Variants in SBNO1 observed in about 807,000 individuals in gnomAD.
SBNO1 encodes protein strawberry notch homolog 1.
In SBNO1, 23 loss-of-function variants were observed where a neutral mutation model predicts 173.6. The observed-to-expected ratio is 0.13, with a 90% CI of 0.10 to 0.19. The LOEUF is 0.19. Ranked by LOEUF, SBNO1 falls within the 10% of genes least tolerant of loss-of-function variation. The pLI, the probability that SBNO1 is intolerant of heterozygous loss-of-function variation, is 1.00. For synonymous variants in SBNO1, 632 were observed against 571.5 expected (o/e 1.11, Z -1.51); for missense variants, 1,238 against 1,671.2 (o/e 0.74, Z 4.52).
rs763234292 is a variant in SBNO1 at position 123,326,173 on chromosome 12, T to C, written c.1854A>G (p.Arg618=). 1 of 1,608,340 alleles carries C rather than the reference T, an allele frequency of 6.2e-7. No homozygotes were observed. Among genetic ancestry groups the C allele is most frequent in the South Asian group, 1.1e-5 (1 of 90,228 alleles). ...SKVKRVVQLA[R]EEIKNGKCVV... ...TTACTTTTCCATTCTTGATTTCCTC[T>C]CGAGCTAGTTGCACAACCCTTTTAA... Residue 618 remains arginine (R), a synonymous_variant, in exon 14 of 32, where the codon CGA becomes CGG. Coordinates refer to ENST00000602398, the MANE Select transcript of SBNO1 (RefSeq NM_001167856.3).
intron 3 of SBNO1, among the ~76,000 whole-genome samples, chr12:123,346,794 G>A (rs1221831994): frequency 6.6e-6 from 1 of 151,402 alleles, no homozygotes; most frequent in Admixed American, 6.6e-5. Flanking sequence ...ATATCTTTGT[G>A]GGGCTGGGAG....
In SBNO1 at chr12:123,320,528, G is replaced by T. The variant is rs751907120; in HGVS notation, c.2571C>A (p.Asp857Glu). Reference protein sequence around the residue: ...AVERAQQMKKDLLDKLEKLAE... With the variant: ...AVERAQQMKKELLDKLEKLAE... ...CTAATTTTTCTAGCTTATCAAGCAG[G>T]TCTTTCTTCATCTGCTGAGCCCTTT... Residue 857 changes from aspartate to glutamate, a missense_variant, in exon 19 of 32, where the codon GAC becomes GAA. Asp to Glu is a conservative substitution (Grantham distance 45). Coordinates refer to ENST00000602398, the MANE Select transcript of SBNO1 (RefSeq NM_001167856.3). 9 of 1,614,046 alleles carry T rather than the reference G, an allele frequency of 5.6e-6. No homozygotes were observed. Among genetic ancestry groups the T allele is most frequent in the Non-Finnish European group, 7.6e-6 (9 of 1,179,948 alleles).
At chr12:123,317,679 T>G (rs1024047392) in intron 20 of SBNO1, among the ~76,000 whole-genome samples, 2 of 152,134 alleles carry the variant, frequency 1.3e-5, no homozygotes, top group African/African-American at 2.4e-5. Context: ...AAAGGTAACT[T>G]GGAAATGGAG....
chr12:123,328,619 T>C (rs1025644235), intron 10 of SBNO1, 115 bp downstream of exon 10: 1 of 838,462 alleles, frequency 1.2e-6, no homozygotes, highest in African/African-American at 1.7e-5. Context: ...AGGTAATCAT[T>C]AAAGTTTTCA....
chr12:123,319,112 T>C (rs1869661438), intron 20 of SBNO1, among the ~76,000 whole-genome samples: 1 of 151,000 alleles, frequency 6.6e-6, no homozygotes. Context: ...TACAGGCACA[T>C]GCCACCACAC....
intron 30 of SBNO1, among the ~76,000 whole-genome samples, chr12:123,300,008 G>C (rs1173294837): frequency 6.6e-6 from 1 of 152,160 alleles, no homozygotes; most frequent in East Asian, 1.9e-4. Flanking sequence ...GAGATGGAAA[G>C]GGGTGGGAGG....
Position 123,330,617 on chromosome 12 carries a change from GAAA to G in SBNO1, c.1044-111_1044-109del, listed in dbSNP as rs1871103482. 44 of 570,600 alleles carry G rather than the reference GAAA, an allele frequency of 7.7e-5. 2 individuals carry two copies. Among genetic ancestry groups the G allele is most frequent in the Middle Eastern group, 8.7e-4 (2 of 2,302 alleles). 35.3% of individuals were successfully genotyped at this position (570,600 alleles called of 1,614,324 possible). On this transcript the variant is annotated intron_variant, in intron 8 of 31. Coordinates refer to ENST00000602398, the MANE Select transcript of SBNO1 (RefSeq NM_001167856.3). The stretch of plus-strand genomic sequence containing the variant: ...TGACACTTAAAAAAAAAAAAAAAAA[GAAA>G]AAGAAAATACACTTACTCATTAAAA...
intron 30 of SBNO1, among the ~76,000 whole-genome samples, chr12:123,299,459 A>C (rs1485225612): frequency 6.6e-6 from 1 of 151,990 alleles, no homozygotes. Flanking sequence ...AAGCAGGCAG[A>C]TCATGAGGTC....
At chr12:123,348,266 A>G in intron 2 of SBNO1, 133 bp from the exon 3 acceptor site, 1 of 528,804 alleles carries the variant, frequency 1.9e-6, no homozygotes, top group Non-Finnish European at 3.5e-6. Flanking sequence ...CAGCAGATTT[A>G]TAATGTAATA....
At chr12:123,310,432 C>T (rs1796226457) in intron 25 of SBNO1, among the ~76,000 whole-genome samples, 1 of 151,778 alleles carries the variant, frequency 6.6e-6, no homozygotes, top group African/African-American at 2.4e-5. Flanking sequence ...CAGGGTTCCA[C>T]CATCTTGGCC....
At chr12:123,363,295 TTCTG>T in intron 1 of SBNO1, among the ~76,000 whole-genome samples, 1 of 152,238 alleles carries the variant, frequency 6.6e-6, no homozygotes, top group South Asian at 2.1e-4. Flanking sequence ...TTCTGCTATC[TTCTG>T]TGCAACGATG....
At chr12:123,322,999 T>G (rs372101484) in intron 16 of SBNO1, among the ~76,000 whole-genome samples, 8 of 152,312 alleles carry the variant, frequency 5.3e-5, no homozygotes, top group African/African-American at 1.9e-4. Context: ...TTAGTTCCCA[T>G]GCATCATTAA....
At chr12:123,331,872 G>C (rs1295268311) in intron 7 of SBNO1, among the ~76,000 whole-genome samples, 1 of 150,580 alleles carries the variant, frequency 6.6e-6, no homozygotes, top group Non-Finnish European at 1.5e-5. Context: ...TTCTTTTTTT[G>C]AAACGGGGTC....
chr12:123,347,609 T>C lies in SBNO1; in HGVS notation c.237+420A>G, dbSNP rs117359775. On this transcript the variant is annotated intron_variant, in intron 3 of 31. Coordinates refer to ENST00000602398, the MANE Select transcript of SBNO1 (RefSeq NM_001167856.3). ...GGCTTGGTCTCTGCTCACTGCAACC[T>C]CCTCCACTTCCTGGGTTCAAGAGAT... 1.6e-3 allele frequency among the ~76,000 whole-genome samples: 243 copies of C among 150,140 alleles called. 9 individuals carry two copies. In the East Asian group the frequency reaches 0.046, roughly 28 times the overall value.
intron 3 of SBNO1, 123 bp from the exon 4 acceptor site, chr12:123,345,693 T>A: frequency 1.2e-6 from 1 of 826,286 alleles, no homozygotes; most frequent in Non-Finnish European, 1.9e-6. Context: ...TTTTTTTTTT[T>A]CTTTGAAGCA....
In SBNO1 at chr12:123,353,999, T is replaced by A. The variant is rs1228503015; in HGVS notation, c.1-3558A>T. Among the ~76,000 whole-genome samples, 4 of 152,158 alleles carry A rather than the reference T, an allele frequency of 2.6e-5. No individual in the cohort carries two copies. In the East Asian group the frequency reaches 7.7e-4, roughly 29 times the overall value. On this transcript the variant is annotated intron_variant, in intron 1 of 31. Coordinates refer to ENST00000602398, the MANE Select transcript of SBNO1 (RefSeq NM_001167856.3). ...CCCTATCTAATAATATTCAAAAGTG[T>A]AGAGATGCCATTAATCAATGAAATG... is the stretch of plus-strand genomic sequence containing the variant.
rs971541140 is a variant in SBNO1 at position 123,303,452 on chromosome 12, C to A, written c.3769-552G>T. ...CTTAAGGCCAGGAGTTCAAGACCAG[C>A]CTGGCTAACATGGTGAAATTCCGTC... On this transcript the variant is annotated intron_variant, in intron 29 of 31. Coordinates refer to ENST00000602398, the MANE Select transcript of SBNO1 (RefSeq NM_001167856.3). Among the ~76,000 whole-genome samples the A allele has an allele frequency of 2.6e-5, 4 of 152,022 alleles. No individual in the cohort carries two copies. The East Asian group carries it at 7.7e-4, about 29-fold the overall frequency.
chr12:123,298,951 G>A (rs1032793491), intron 30 of SBNO1, among the ~76,000 whole-genome samples: 21 of 152,316 alleles, frequency 1.4e-4, no homozygotes, highest in African/African-American at 4.8e-4. Context: ...AATTAGGTAT[G>A]GTGGCTCATG....
At chr12:123,346,934 C>G (rs1873227050) in intron 3 of SBNO1, among the ~76,000 whole-genome samples, 1 of 151,378 alleles carries the variant, frequency 6.6e-6, no homozygotes, top group African/African-American at 2.4e-5. Flanking sequence ...AAAAATTAGC[C>G]AGGCATGGTG....
Sources: allele counts gnomAD v4.1 joint callset (sites outside exome capture counted in the v4.1 genomes callset), GRCh38; gene constraint gnomAD v4.1.1; transcripts MANE v1.5; gene names NCBI Gene and HGNC (gene_info 2026-07-23, HGNC 2026-07-21).